AGBL1: variants seen among roughly 807,000 people sequenced by gnomAD.
The protein encoded by AGBL1 is cytosolic carboxypeptidase 4.
AGBL1 carries 130 observed loss-of-function variants against 118.9 expected under a neutral mutation model. The observed-to-expected ratio is 1.09, with a 90% CI of 0.95 to 1.26. The LOEUF (loss-of-function observed/expected upper bound fraction) is 1.26. Ranked by LOEUF, AGBL1 falls within the 50% of genes most tolerant of loss-of-function variation. The pLI, the probability that AGBL1 is intolerant of heterozygous loss-of-function variation, is 0.00. For synonymous variants in AGBL1, 555 were observed against 478.9 expected (o/e 1.16, Z -2.08); for missense variants, 1,584 against 1,298.1 (o/e 1.22, Z -3.38).
intron 5 of AGBL1, among the ~76,000 whole-genome samples, chr15:86,196,877 G>GTGCACA (rs1555446474): frequency 1.2e-5 from 1 of 86,322 alleles, no homozygotes; most frequent in Non-Finnish European, 2.2e-5. Context: ...GTGCGCGCGC[G>GTGCACA]CGCACACACA....
At chr15:86,649,996 G>A (rs1186563501) in intron 21 of AGBL1, among the ~76,000 whole-genome samples, 1 of 151,874 alleles carries the variant, frequency 6.6e-6, no homozygotes, top group African/African-American at 2.4e-5. Flanking sequence ...TAAGTCATAG[G>A]ACCAAAAAAA....
intron 1 of AGBL1, among the ~76,000 whole-genome samples, chr15:86,086,805 G>T (rs942879844): frequency 6.6e-6 from 1 of 152,254 alleles, no homozygotes; most frequent in Non-Finnish European, 1.5e-5. Context: ...GTTGTAGATG[G>T]TTCGTTCTGA....
At chr15:86,737,013 A>G (rs2077611644) in intron 22 of AGBL1, among the ~76,000 whole-genome samples, 1 of 152,204 alleles carries the variant, frequency 6.6e-6, no homozygotes, top group Non-Finnish European at 1.5e-5. Context: ...TTTTCCTGAC[A>G]ATATTTTCTG....
intron 18 of AGBL1, among the ~76,000 whole-genome samples, chr15:86,514,833 T>G (rs1052692028): frequency 1.3e-5 from 2 of 152,194 alleles, no homozygotes; most frequent in African/African-American, 4.8e-5. Context: ...GTTCATCTCC[T>G]TCATTCTTAG....
intron 7 of AGBL1, among the ~76,000 whole-genome samples, chr15:86,252,889 C>T (rs2078838796): frequency 6.6e-6 from 1 of 152,132 alleles, no homozygotes; most frequent in Non-Finnish European, 1.5e-5. Flanking sequence ...CCACATCTGC[C>T]CTTGGGCTTA....
At chr15:86,791,727 T>TA (rs1481238068) in intron 22 of AGBL1, among the ~76,000 whole-genome samples, 8,050 of 92,734 alleles carry the variant, frequency 0.087, 313 homozygotes, top group East Asian at 0.37. Context: ...TTCCTTGTTT[T>TA]TTATATATAT....
intron 21 of AGBL1, among the ~76,000 whole-genome samples, chr15:86,570,187 G>A (rs548490978): frequency 6.6e-6 from 1 of 152,156 alleles, no homozygotes; most frequent in African/African-American, 2.4e-5. Context: ...GCATAAAATG[G>A]GGTGCACCCC....
Position 86,264,860 on chromosome 15 carries a change from G to C in AGBL1, c.1667+22G>C, listed in dbSNP as rs77626741. 1,855 of 1,543,946 alleles carry C rather than the reference G, an allele frequency of 1.2e-3. 25 individuals are homozygous for C. The African/African-American group carries it at 0.023, about 19-fold the overall frequency. ...AAAGGTGATGGCGCTACTGACTTGG[G>C]AGCTCTTTTTTTCTGTTCTTTGATA... is the stretch of plus-strand genomic sequence containing the variant. On this transcript the variant is annotated intron_variant, in intron 11 of 22. Transcript: ENST00000614907.
chr15:86,619,777 C>T (rs1337537453), intron 21 of AGBL1, among the ~76,000 whole-genome samples: 1 of 152,174 alleles, frequency 6.6e-6, no homozygotes, highest in South Asian at 2.1e-4. Flanking sequence ...GGGCTCACTG[C>T]AGACCTGGGA....
intron 18 of AGBL1, among the ~76,000 whole-genome samples, chr15:86,446,329 C>A (rs1027540496): frequency 8.5e-5 from 13 of 152,224 alleles, no homozygotes; most frequent in Admixed American, 7.2e-4. Flanking sequence ...TTTTCCCTCT[C>A]CAGACGCACT....
chr15:86,177,918 G>A (rs2141778301), intron 5 of AGBL1, among the ~76,000 whole-genome samples: 1 of 151,700 alleles, frequency 6.6e-6, no homozygotes, highest in African/African-American at 2.4e-5. Flanking sequence ...GTAAAATGAA[G>A]GAAATAAGAA....
At chr15:87,001,918 T>G (rs1242256135) in intron 24 of AGBL1, among the ~76,000 whole-genome samples, 1 of 151,986 alleles carries the variant, frequency 6.6e-6, no homozygotes, top group African/African-American at 2.4e-5. Flanking sequence ...TTTTCTCCCA[T>G]TCTGTAGGTT....
chr15:86,605,029 A>G (rs936890527), intron 21 of AGBL1, among the ~76,000 whole-genome samples: 67 of 152,264 alleles, frequency 4.4e-4, no homozygotes, highest in African/African-American at 1.5e-3. Context: ...TCCCAACCTC[A>G]GGTGATCTGC....
intron 22 of AGBL1, among the ~76,000 whole-genome samples, chr15:86,755,568 C>A (rs1013815329): frequency 6.6e-6 from 1 of 152,008 alleles, no homozygotes; most frequent in Non-Finnish European, 1.5e-5. Flanking sequence ...CCTCAAAGTC[C>A]CCCTCTTCCA....
chr15:86,487,117 G>A (rs528697363), intron 18 of AGBL1, among the ~76,000 whole-genome samples: 1 of 152,116 alleles, frequency 6.6e-6, no homozygotes, highest in South Asian at 2.1e-4. Flanking sequence ...GCTCTTTTTG[G>A]TTTCAGTCTT....
intron 18 of AGBL1, among the ~76,000 whole-genome samples, chr15:86,451,180 C>T (rs1278170485): frequency 1.3e-5 from 2 of 149,922 alleles, no homozygotes; most frequent in Admixed American, 6.6e-5. Context: ...TCTTTCCCAC[C>T]CACTAAATTT....
At chr15:86,725,106 C>T (rs2086799359) in intron 22 of AGBL1, among the ~76,000 whole-genome samples, 1 of 152,132 alleles carries the variant, frequency 6.6e-6, no homozygotes. Context: ...GAAGGGCAGC[C>T]AGCAGAGCTA....
At chr15:86,922,266 G>C (rs1372516352) in intron 23 of AGBL1, among the ~76,000 whole-genome samples, 2 of 152,080 alleles carry the variant, frequency 1.3e-5, no homozygotes, top group Non-Finnish European at 2.9e-5. Flanking sequence ...ATAGCAAAAG[G>C]CATAACAAAA....
At chr15:86,657,236 G>A (rs1567107041) in intron 21 of AGBL1, among the ~76,000 whole-genome samples, 2 of 152,258 alleles carry the variant, frequency 1.3e-5, no homozygotes, top group Middle Eastern at 6.8e-3. Context: ...AATGCCAACT[G>A]TACAAGTGCC....
Sources: allele counts gnomAD v4.1 joint callset (sites outside exome capture counted in the v4.1 genomes callset), GRCh38; gene constraint gnomAD v4.1.1; transcripts MANE v1.5; gene names NCBI Gene and HGNC (gene_info 2026-07-23, HGNC 2026-07-21).